The following FSTL4 variants were observed in gnomAD, a reference collection of about 807,000 sequenced individuals.
FSTL4 encodes the protein follistatin-related protein 4.
In FSTL4, 28 loss-of-function variants were observed where a neutral mutation model predicts 78.2. The ratio of observed to expected loss-of-function variants is 0.36; its 90% CI spans 0.27 to 0.49. The LOEUF is 0.49. FSTL4 is among the 20% of genes least tolerant of loss of function. The pLI is 0.98. For synonymous variants in FSTL4, 422 were observed against 440.5 expected, an observed-to-expected ratio of 0.96 and a Z score of 0.53; for missense variants, 922 against 1,084.9, an observed-to-expected ratio of 0.85 and a Z score of 2.11.
chr5:133,287,146 T>C (rs966696686), intron 6 of FSTL4, among the ~76,000 whole-genome samples: 3 of 152,130 alleles, frequency 2.0e-5, no homozygotes, highest in African/African-American at 7.2e-5. Context: ...TCCAGCACTT[T>C]GGGAGGCTGA....
At chr5:133,797,004 C>A in the FSTL4 span, among the ~76,000 whole-genome samples, 1 of 152,196 alleles carries the variant, frequency 6.6e-6, no homozygotes, top group Non-Finnish European at 1.5e-5. Context: ...AATCCTCAGT[C>A]CCCTTTACCA....
chr5:133,505,731 C>T (rs1251832142), intron 3 of FSTL4, among the ~76,000 whole-genome samples: 1 of 152,226 alleles, frequency 6.6e-6, no homozygotes, highest in Non-Finnish European at 1.5e-5. Context: ...GAAACTGCAA[C>T]TCTATCACCT....
chr5:133,708,947 T>G, the FSTL4 span, among the ~76,000 whole-genome samples: 1 of 152,234 alleles, frequency 6.6e-6, no homozygotes, highest in Non-Finnish European at 1.5e-5. Flanking sequence ...TATTCTCCAC[T>G]ATATTCACAC....
At chr5:133,738,491 T>C in the FSTL4 span, among the ~76,000 whole-genome samples, 1 of 152,146 alleles carries the variant, frequency 6.6e-6, no homozygotes, top group Non-Finnish European at 1.5e-5. Context: ...AATGAGCCTG[T>C]GTACTTGAAC....
intron 4 of FSTL4, among the ~76,000 whole-genome samples, chr5:133,345,010 C>T (rs940850420): frequency 1.7e-4 from 25 of 148,986 alleles, no homozygotes; most frequent in African/African-American, 5.3e-4. Context: ...GCTCTGTCTC[C>T]CAGGCTGGAG....
At chr5:133,688,412 C>CA in the FSTL4 span, among the ~76,000 whole-genome samples, 3,601 of 151,796 alleles carry the variant, frequency 0.024, 153 homozygotes, top group African/African-American at 0.083. Flanking sequence ...GACTCCGTCT[C>CA]AAAAAAAACA....
chr5:133,268,568 G>A (rs576167968), intron 6 of FSTL4, among the ~76,000 whole-genome samples: 5 of 152,214 alleles, frequency 3.3e-5, no homozygotes, highest in African/African-American at 7.2e-5. Flanking sequence ...TTGGTAGCCC[G>A]GCTTCTGCAG....
the FSTL4 span, among the ~76,000 whole-genome samples, chr5:133,640,173 T>A: frequency 6.6e-6 from 1 of 152,188 alleles, no homozygotes; most frequent in Admixed American, 6.5e-5. Context: ...CCCACCCTGA[T>A]GGAGCTGTGC....
chr5:133,673,823 G>A, the FSTL4 span, among the ~76,000 whole-genome samples: 1 of 152,114 alleles, frequency 6.6e-6, no homozygotes, highest in Non-Finnish European at 1.5e-5. Flanking sequence ...TTTGATAGGG[G>A]CTGTAATGGA....
chr5:133,242,635 G>T (rs550178333), intron 7 of FSTL4, among the ~76,000 whole-genome samples: 160 of 152,258 alleles, frequency 1.1e-3, no homozygotes, highest in Non-Finnish European at 2.0e-3. Context: ...CACCCCACAG[G>T]TTCCACAGGC....
intron 3 of FSTL4, among the ~76,000 whole-genome samples, chr5:133,500,082 C>A (rs555289595): frequency 6.6e-6 from 1 of 152,110 alleles, no homozygotes. Flanking sequence ...AGGAGTAGAG[C>A]AGGAGTTCTA....
At chr5:133,779,211 G>A in the FSTL4 span, among the ~76,000 whole-genome samples, 1 of 152,048 alleles carries the variant, frequency 6.6e-6, no homozygotes, top group East Asian at 1.9e-4. Flanking sequence ...TCTCTGCTGG[G>A]TGACTCCCGC....
intron 3 of FSTL4, among the ~76,000 whole-genome samples, chr5:133,436,575 T>C (rs922937691): frequency 1.1e-4 from 16 of 152,318 alleles, no homozygotes; most frequent in Middle Eastern, 3.4e-3. Context: ...TTACAAGCAA[T>C]GATATGCTGG....
intron 4 of FSTL4, among the ~76,000 whole-genome samples, chr5:133,336,356 G>A (rs1328208197): frequency 6.6e-6 from 1 of 152,236 alleles, no homozygotes; most frequent in African/African-American, 2.4e-5. Flanking sequence ...AGAAGGGGGC[G>A]AGGCTCGAGC....
chr5:133,748,561 A>G, the FSTL4 span, among the ~76,000 whole-genome samples: 1,986 of 152,136 alleles, frequency 0.013, 43 homozygotes, highest in African/African-American at 0.044. Context: ...ACAGAGCGAG[A>G]CTCCATCTCA....
chr5:133,607,846 C>T (rs1761007777), intron 1 of FSTL4, among the ~76,000 whole-genome samples: 1 of 148,398 alleles, frequency 6.7e-6, no homozygotes. Context: ...GGCCCCTGGG[C>T]AGACTCTCCT....
chr5:133,199,583 CAG>C lies in FSTL4; in HGVS notation c.2039_2040del (p.Ser680CysfsTer7). ...GTTACATCACCATTGGGGCCAAGCA[CAG>C]AGTCTGTGACACTGTCAACGAGCAG... ...RQLLVDSVTDSVLGPNGDVTG... is the reference protein window; with the variant it reads ...RQLLVDSVTDXVLGPNGDVTG... On this transcript the variant is annotated frameshift_variant, in exon 16 of 16. Transcript: ENST00000265342. LOFTEE classifies it low-confidence loss of function (END_TRUNC). The surrounding 1 kb of genome is among the most constrained non-coding windows in gnomAD (Gnocchi z 4.4). The C allele has an allele frequency of 6.2e-7, 1 of 1,614,140 alleles. No homozygotes were observed. Among genetic ancestry groups the C allele is most frequent in the South Asian group, 1.1e-5 (1 of 91,086 alleles).
intron 3 of FSTL4, among the ~76,000 whole-genome samples, chr5:133,491,545 G>A (rs1337800200): frequency 3.3e-5 from 5 of 151,450 alleles, no homozygotes; most frequent in East Asian, 1.9e-4. Flanking sequence ...GACTACAGGC[G>A]CCCGCCACCA....
At chr5:133,529,523 C>G (rs1400456981) in intron 3 of FSTL4, among the ~76,000 whole-genome samples, 2 of 152,286 alleles carry the variant, frequency 1.3e-5, no homozygotes, top group East Asian at 3.9e-4. Context: ...ATGCACCAAC[C>G]TCTGTTTTAA....
Sources: allele counts gnomAD v4.1 joint callset (sites outside exome capture counted in the v4.1 genomes callset), GRCh38; gene constraint gnomAD v4.1.1; non-coding constraint Gnocchi (gnomAD v3.1); transcripts MANE v1.5; gene names NCBI Gene and HGNC (gene_info 2026-07-23, HGNC 2026-07-21).